RAP1B: variants seen among roughly 807,000 people sequenced by gnomAD.
RAP1B encodes the protein RAP1B, member of RAS oncogene family, also known as ras-related protein Rap-1b.
In RAP1B, 1 loss-of-function variant was observed where a neutral mutation model predicts 27.5. The ratio of observed to expected loss-of-function variants is 0.04; its 90% CI spans 0.01 to 0.17. The LOEUF (loss-of-function observed/expected upper bound fraction) is 0.17, where lower values mean the gene tolerates loss of function less well. Ranked by LOEUF, RAP1B falls within the 10% of genes least tolerant of loss-of-function variation. The pLI is 1.00. For missense variants in RAP1B, 84 were observed against 214.8 expected (o/e 0.39, Z 3.81); for synonymous variants, 75 against 73.1 (o/e 1.03, Z -0.13).
chr12:68,623,057 ATT>A (rs1871496270), intron 1 of RAP1B, among the ~76,000 whole-genome samples: 1 of 152,178 alleles, frequency 6.6e-6, no homozygotes. Context: ...CTCATTTTTT[ATT>A]TAGGTCATCT....
chr12:68,669,236 C>G lies in RAP1B; in HGVS notation c.*9987C>G, dbSNP rs150486289. 1 of 152,120 alleles carries G rather than the reference C, an allele frequency of 6.6e-6. No individual in the cohort carries two copies. Among genetic ancestry groups the G allele is most frequent in the Non-Finnish European group, 1.5e-5 (1 of 68,028 alleles). 9.4% of individuals were successfully genotyped at this position (152,120 alleles called of 1,614,324 possible). On this transcript the variant is annotated 3_prime_UTR_variant, in exon 8 of 8. Coordinates refer to ENST00000250559, the MANE Select transcript of RAP1B (RefSeq NM_001010942.3). Reference sequence around the variant, plus strand: ...AAGGCTAAGAAAGAACTATTATAAACTCTTATTGAAGGACATAAATCAAGA... The same window carrying G: ...AAGGCTAAGAAAGAACTATTATAAAGTCTTATTGAAGGACATAAATCAAGA...
At chr12:68,650,286 T>G (rs1592462205) in intron 2 of RAP1B, 114 bp from the exon 3 acceptor site, 9 of 883,948 alleles carry the variant, frequency 1.0e-5, no homozygotes, top group Admixed American at 4.4e-5. Context: ...TTGGCTGTGG[T>G]TTTTTTTTTC....
At chr12:68,640,953 T>C (rs1872953475) in intron 1 of RAP1B, 1 of 152,224 alleles carries the variant, frequency 6.6e-6, no homozygotes, top group Admixed American at 6.5e-5. Context: ...GTTAATAATC[T>C]CCGGTTAATG....
chr12:68,657,155 G>C lies in RAP1B; in HGVS notation c.523G>C (p.Ala175Pro). The C allele has an allele frequency of 6.2e-7, 1 of 1,613,362 alleles. No individual in the cohort carries two copies. The highest frequency in any genetic ancestry group is 1.7e-5 in the Admixed American group (1 of 60,008). ...CAGAAAAACTCCAGTGCCTGGGAAG[G>C]CTCGCAAAAAGTCATCATGTCAGCT... ...INRKTPVPGK[A>P]RKKSSCQLL is the part of the protein sequence containing the mutation. The change falls in exon 7 of 8, where the codon GCT becomes CCT. Residue 175 changes from alanine (A) to proline (P), a missense_variant. By Grantham distance (27) the Ala-to-Pro change is conservative (BLOSUM62 -1). Transcript: ENST00000250559.
Position 68,656,772 on chromosome 12 carries a change from G to C in RAP1B, c.468+323G>C. The C allele has an allele frequency of 1.1e-5, 6 of 521,780 alleles. No individual in the cohort carries two copies. In the South Asian group the frequency reaches 1.8e-4, roughly 16 times the overall value. 32.3% of individuals were successfully genotyped at this position (521,780 alleles called of 1,614,324 possible). On this transcript the variant is annotated intron_variant, in intron 6 of 7. Transcript: ENST00000250559. ...GAGTAAAATTCCGAAAAGTATGCAT[G>C]GTTCTTGAAAGGCTCCAAGTCATGT...
At position 68,667,535 on chromosome 12, in the gene RAP1B, C is replaced by G. The variant is rs377624603; in HGVS notation, c.*8286C>G. The G allele has an allele frequency of 7.2e-5, 11 of 152,248 alleles. No individual in the cohort carries two copies. The highest frequency in any genetic ancestry group is 2.6e-4 in the African/African-American group (11 of 41,536). The allele number at this position is 152,248 out of a possible 1,614,324, so 9.4% of individuals were successfully genotyped here. On this transcript the variant is annotated 3_prime_UTR_variant, in exon 8 of 8. Coordinates refer to ENST00000250559, the MANE Select transcript of RAP1B (RefSeq NM_001010942.3). ...TCAGCGTTAGGGTTGGGTTTCTTGT[C>G]TCTGTAATCACTTCTCAAAAATGAA... is the stretch of plus-strand genomic sequence containing the variant.
chr12:68,635,477 A>G (rs960355711), intron 1 of RAP1B, among the ~76,000 whole-genome samples: 7 of 152,102 alleles, frequency 4.6e-5, no homozygotes, highest in African/African-American at 1.7e-4. Context: ...TCTTTTTTTG[A>G]GACAGAGTCA....
At chr12:68,620,365 A>G (rs955087308) in intron 1 of RAP1B, among the ~76,000 whole-genome samples, 36 of 151,878 alleles carry the variant, frequency 2.4e-4, no homozygotes, top group African/African-American at 8.7e-4. Flanking sequence ...CTGGGATTGC[A>G]GGCACCACCA....
At chr12:68,613,198 A>G (rs1329471691) in intron 1 of RAP1B, among the ~76,000 whole-genome samples, 1 of 151,990 alleles carries the variant, frequency 6.6e-6, no homozygotes, top group African/African-American at 2.4e-5. Context: ...CGTCTTTACT[A>G]AAAATACAAA....
At position 68,626,782 on chromosome 12, in the gene RAP1B, T is replaced by G. The variant is rs190641830; in HGVS notation, c.-27+15739T>G. Reference sequence around the variant, plus strand: ...TCAGAATTTTCCAGGGTGTTTTTTTTTTGTTGTTTGTTTGTTTGTTTGTTT... The same window carrying G: ...TCAGAATTTTCCAGGGTGTTTTTTTGTTGTTGTTTGTTTGTTTGTTTGTTT... On this transcript the variant is annotated intron_variant, in intron 1 of 7. Transcript: ENST00000250559. 2.6e-4 allele frequency: 340 copies of G among 1,294,188 alleles called. 1 individual carries two copies. In the African/African-American group the frequency reaches 3.2e-3, roughly 12 times the overall value. The allele number at this position is 1,294,188 out of a possible 1,614,324, so 80.2% of individuals were successfully genotyped here. A position where few individuals can be genotyped will look rare whatever the true frequency, so the allele number is the denominator to read the frequency against.
intron 5 of RAP1B, 120 bp from the exon 6 acceptor site, chr12:68,656,186 T>C: frequency 1.2e-6 from 1 of 841,904 alleles, no homozygotes; most frequent in South Asian, 1.9e-5. Flanking sequence ...TTATACATTA[T>C]TTAATATTTT....
intron 1 of RAP1B, among the ~76,000 whole-genome samples, chr12:68,613,839 A>C (rs754960310): frequency 6.6e-6 from 1 of 152,222 alleles, no homozygotes; most frequent in African/African-American, 2.4e-5. Context: ...AAACATTTAC[A>C]TATTGGCTTT....
rs1874747956 is a variant in RAP1B, at chr12:68,664,162, CAT to C, written c.*4918_*4919del. The C allele has an allele frequency of 6.6e-6, 1 of 152,108 alleles. No individual in the cohort carries two copies. Among genetic ancestry groups the C allele is most frequent in the Non-Finnish European group, 1.5e-5 (1 of 68,020 alleles). 9.4% of individuals were successfully genotyped at this position (152,108 alleles called of 1,614,324 possible). A position where few individuals can be genotyped will look rare whatever the true frequency, so the allele number is the denominator to read the frequency against. ...TTTCCTGAAAACAAAACAGCACACA[CAT>C]ATATTACAGGATTTTTATGTAATAA... On this transcript the variant is annotated 3_prime_UTR_variant, in exon 8 of 8. Coordinates refer to ENST00000250559, the MANE Select transcript of RAP1B (RefSeq NM_001010942.3).
chr12:68,660,921 TTGAG>T lies in RAP1B; in HGVS notation c.*1676_*1679del, dbSNP rs759518112. 7.2e-5 allele frequency: 11 copies of T among 152,214 alleles called. No homozygotes were observed. Among genetic ancestry groups the T allele is most frequent in the South Asian group, 2.1e-4 (1 of 4,836 alleles). The allele number at this position is 152,214 out of a possible 1,614,324, so 9.4% of individuals were successfully genotyped here. ...TAGAATATTGTGGTTATAAAAATCT[TTGAG>T]TGATGTGGATTAAGCACTTAGAGAA... is the stretch of plus-strand genomic sequence containing the variant. On this transcript the variant is annotated 3_prime_UTR_variant, in exon 8 of 8. Transcript: ENST00000250559.
Position 68,670,747 on chromosome 12 carries a change from G to A in RAP1B, c.*11498G>A, listed in dbSNP as rs1338733712. On this transcript the variant is annotated 3_prime_UTR_variant, in exon 8 of 8. Coordinates refer to ENST00000250559, the MANE Select transcript of RAP1B (RefSeq NM_001010942.3). ...ACAGATAAAAGATTAAACTATTCAC[G>A]GCCAGGCACGGTGGATCATGCCTGT... The A allele has an allele frequency of 1.3e-5, 2 of 152,060 alleles. No homozygotes were observed. The highest frequency in any genetic ancestry group is 2.4e-5 in the African/African-American group (1 of 41,402). 9.4% of individuals were successfully genotyped at this position (152,060 alleles called of 1,614,324 possible). A position where few individuals can be genotyped will look rare whatever the true frequency, so the allele number is the denominator to read the frequency against.
At chr12:68,621,035 T>G (rs961177831) in intron 1 of RAP1B, among the ~76,000 whole-genome samples, 1 of 152,134 alleles carries the variant, frequency 6.6e-6, no homozygotes, top group Admixed American at 6.5e-5. Context: ...CCTAGAGAGA[T>G]TAAAATGGAG....
intron 1 of RAP1B, among the ~76,000 whole-genome samples, chr12:68,615,010 T>A (rs1172603100): frequency 2.0e-5 from 3 of 152,246 alleles, no homozygotes; most frequent in Admixed American, 2.0e-4. Context: ...CAAGTCTCTT[T>A]GGTCGTGGAG....
intron 1 of RAP1B, among the ~76,000 whole-genome samples, chr12:68,612,353 A>G (rs542275029): frequency 1.3e-5 from 2 of 152,312 alleles, no homozygotes; most frequent in Admixed American, 1.3e-4. Context: ...TTTAACTTCA[A>G]GCCCATATTA....
intron 1 of RAP1B, among the ~76,000 whole-genome samples, chr12:68,619,260 A>G (rs1225824449): frequency 6.6e-6 from 1 of 152,212 alleles, no homozygotes; most frequent in African/African-American, 2.4e-5. Context: ...ATTTTCTTGA[A>G]AACAGTGAGG....
Sources: gnomAD v4.1 joint callset for allele counts (sites outside exome capture counted in the v4.1 genomes callset) on GRCh38, gnomAD v4.1.1 for gene constraint, MANE v1.5 for transcripts, NCBI Gene and HGNC (gene_info 2026-07-23, HGNC 2026-07-21) for gene names.